ZNF525: variants seen among roughly 807,000 people sequenced by gnomAD.
ZNF525 encodes zinc finger protein 525.
In ZNF525, 33 loss-of-function variants were observed where a neutral mutation model predicts 37.6. That is an observed-to-expected ratio of 0.88 (90% CI 0.67 to 1.17). The LOEUF (loss-of-function observed/expected upper bound fraction) is 1.17, where lower values mean the gene tolerates loss of function less well. ZNF525 is among the 50% of genes most tolerant of loss of function. The pLI is 0.00. For synonymous variants in ZNF525, 170 were observed against 182.3 expected, an observed-to-expected ratio of 0.93 and a Z score of 0.54; for missense variants, 449 against 543.1, an observed-to-expected ratio of 0.83 and a Z score of 1.72.
At chr19:53,374,394 T>C (rs8101761) in intron 2 of ZNF525, among the ~76,000 whole-genome samples, 75,253 of 152,112 alleles carry the variant, frequency 0.49, 19,800 homozygotes, top group African/African-American at 0.68. Context: ...AATGACAACA[T>C]GTGGGTCCTT....
At chr19:53,367,461 T>A (rs2085456609) in intron 1 of ZNF525, among the ~76,000 whole-genome samples, 1 of 152,196 alleles carries the variant, frequency 6.6e-6, no homozygotes, top group African/African-American at 2.4e-5. Flanking sequence ...ACAGAGCTAT[T>A]AGCTGAGTGG....
intron 3 of ZNF525, 156 bp downstream of exon 3, chr19:53,376,052 A>G (rs1314968817): frequency 2.7e-6 from 4 of 1,503,296 alleles, no homozygotes; most frequent in Non-Finnish European, 3.6e-6. Context: ...GGCTCAAGTG[A>G]TTGTCCCACC....
In ZNF525 at chr19:53,381,623, T is replaced by C; in HGVS notation, c.1044T>C (p.Ile348=). ...QKSYLACHRS[I]HTGKKPYECE... is the part of the protein sequence containing the mutation. Reference sequence around the variant, plus strand: ...CATACCTTGCATGCCATCGTAGCATTCATACTGGAAAGAAACCTTACGAAT... The same window carrying C: ...CATACCTTGCATGCCATCGTAGCATCCATACTGGAAAGAAACCTTACGAAT... Residue 348 remains isoleucine, a synonymous_variant, in exon 4 of 4, where the codon ATT becomes ATC. Coordinates refer to ENST00000474037, the MANE Select transcript of ZNF525 (RefSeq NM_001348156.2). 2.7e-6 allele frequency: 3 copies of C among 1,112,880 alleles called. No homozygotes were observed. Among genetic ancestry groups the C allele is most frequent in the Non-Finnish European group, 4.2e-6 (3 of 721,978 alleles). The allele number at this position is 1,112,880 out of a possible 1,614,324, so 68.9% of individuals were successfully genotyped here. A position where few individuals can be genotyped will look rare whatever the true frequency, so the allele number is the denominator to read the frequency against.
chr19:53,386,494 T>G lies in ZNF525; in HGVS notation c.*4475T>G, dbSNP rs781470944. 8.7e-5 allele frequency: 53 copies of G among 606,298 alleles called. No individual in the cohort carries two copies. The highest frequency in any genetic ancestry group is 1.4e-4 in the Non-Finnish European group (46 of 332,858). The allele number at this position is 606,298 out of a possible 1,614,324, so 37.6% of individuals were successfully genotyped here. On this transcript the variant is annotated 3_prime_UTR_variant, in exon 4 of 4. Transcript: ENST00000474037. ...CCACTATCTGGACAGTTGGACATGT[T>G]TTATTGGGAATATGTTTTTTCTCTG...
chr19:53,379,945 T>C (rs981196267), intron 3 of ZNF525, among the ~76,000 whole-genome samples: 2 of 152,094 alleles, frequency 1.3e-5, no homozygotes, highest in African/African-American at 4.8e-5. Flanking sequence ...GAGGTTGCAG[T>C]GAGCTGAGAT....
intron 1 of ZNF525, among the ~76,000 whole-genome samples, chr19:53,369,439 T>A (rs56291126): frequency 0.011 from 1,493 of 131,370 alleles, 17 homozygotes; most frequent in African/African-American, 0.019. Context: ...GTTGGCCAGG[T>A]TGGTCTCAAA....
At chr19:53,368,529 G>A (rs115392112) in intron 1 of ZNF525, among the ~76,000 whole-genome samples, 318 of 152,230 alleles carry the variant, frequency 2.1e-3, no homozygotes, top group African/African-American at 7.2e-3. Flanking sequence ...TAACGCTTTT[G>A]CTTCTTAAGG....
At position 53,386,498 on chromosome 19, in the gene ZNF525, T is replaced by C; in HGVS notation, c.*4479T>C. The C allele has an allele frequency of 1.7e-6, 1 of 600,802 alleles. No homozygotes were observed. The highest frequency in any genetic ancestry group is 3.0e-6 in the Non-Finnish European group (1 of 329,622). 37.2% of individuals were successfully genotyped at this position (600,802 alleles called of 1,614,324 possible). ...TATCTGGACAGTTGGACATGTTTTA[T>C]TGGGAATATGTTTTTTCTCTGTAAA... On this transcript the variant is annotated 3_prime_UTR_variant, in exon 4 of 4. Transcript: ENST00000474037.
intron 1 of ZNF525, among the ~76,000 whole-genome samples, chr19:53,369,299 A>G (rs914524432): frequency 7.2e-5 from 11 of 151,818 alleles, no homozygotes; most frequent in African/African-American, 1.9e-4. Flanking sequence ...CTGGAGTGCA[A>G]TGGCACAATC....
Position 53,384,413 on chromosome 19 carries a change from A to G in ZNF525, c.*2394A>G, listed in dbSNP as rs1168952034. On this transcript the variant is annotated 3_prime_UTR_variant, in exon 4 of 4. Coordinates refer to ENST00000474037, the MANE Select transcript of ZNF525 (RefSeq NM_001348156.2). ...ACATTGGGTTATATAATCATTTAAC[A>G]TATTAATTTTTCCAAACCATCAATA... The G allele has an allele frequency of 6.4e-6, 1 of 157,244 alleles. No homozygotes were observed. The highest frequency in any genetic ancestry group is 1.4e-5 in the Non-Finnish European group (1 of 71,200). The allele number at this position is 157,244 out of a possible 1,614,324, so 9.7% of individuals were successfully genotyped here.
chr19:53,382,877 AT>A lies in ZNF525; in HGVS notation c.*860del, dbSNP rs2085577503. On this transcript the variant is annotated 3_prime_UTR_variant, in exon 4 of 4. Coordinates refer to ENST00000474037, the MANE Select transcript of ZNF525 (RefSeq NM_001348156.2). Reference sequence around the variant, plus strand: ...ATCAAACCTTGAAAGTCATAGGAGAATTCATACTAGAGAGAAACCTTACAAG... The same window carrying A: ...ATCAAACCTTGAAAGTCATAGGAGAATCATACTAGAGAGAAACCTTACAAG... 1.2e-5 allele frequency: 16 copies of A among 1,390,854 alleles called. No homozygotes were observed. The highest frequency in any genetic ancestry group is 1.5e-5 in the Non-Finnish European group (15 of 986,448). 86.2% of individuals were successfully genotyped at this position (1,390,854 alleles called of 1,614,324 possible).
chr19:53,374,074 G>T (rs982320708), intron 2 of ZNF525, among the ~76,000 whole-genome samples: 22 of 151,954 alleles, frequency 1.4e-4, no homozygotes, highest in African/African-American at 5.3e-4. Context: ...GTAGAGATAG[G>T]GTTTCACCAT....
At chr19:53,367,421 T>C (rs1168094117) in intron 1 of ZNF525, among the ~76,000 whole-genome samples, 1 of 152,156 alleles carries the variant, frequency 6.6e-6, no homozygotes, top group Non-Finnish European at 1.5e-5. Context: ...AAGAGCAGGT[T>C]TTCTTCTTTA....
rs576744618 is a variant in ZNF525, at chr19:53,382,305, G to A, written c.*286G>A. 1.4e-6 allele frequency: 2 copies of A among 1,391,866 alleles called. No individual in the cohort carries two copies. Among genetic ancestry groups the A allele is most frequent in the South Asian group, 1.2e-5 (1 of 86,434 alleles). 86.2% of individuals were successfully genotyped at this position (1,391,866 alleles called of 1,614,324 possible). ...ATGCCATCATAGACTTCATACTGGA[G>A]AGAAACCTTACAAATGTGAAGAATG... On this transcript the variant is annotated 3_prime_UTR_variant, in exon 4 of 4. Transcript: ENST00000474037.
intron 3 of ZNF525, among the ~76,000 whole-genome samples, chr19:53,378,753 A>G (rs2085539124): frequency 6.6e-6 from 1 of 152,138 alleles, no homozygotes; most frequent in African/African-American, 2.4e-5. Flanking sequence ...TTTTTATGAA[A>G]GCACAAGTCC....
rs565309394 is a variant in ZNF525 at position 53,382,467 on chromosome 19, A to C, written c.*448A>C. The stretch of plus-strand genomic sequence containing the variant: ...CCTTACACGCCATCATAGACTTCAT[A>C]CTGGAAATAAATCTTATAAGTGTAA... On this transcript the variant is annotated 3_prime_UTR_variant, in exon 4 of 4. Transcript: ENST00000474037. 1 of 743,884 alleles carries C rather than the reference A, an allele frequency of 1.3e-6. No homozygotes were observed. The highest frequency in any genetic ancestry group is 1.8e-5 in the Admixed American group (1 of 55,322). The allele number at this position is 743,884 out of a possible 1,614,324, so 46.1% of individuals were successfully genotyped here.
intron 3 of ZNF525, 126 bp from the exon 4 acceptor site, chr19:53,380,596 C>T: frequency 1.8e-6 from 1 of 561,514 alleles, no homozygotes; most frequent in Non-Finnish European, 3.1e-6. Flanking sequence ...ATTTGAAGCA[C>T]ATGTAATCGC....
At position 53,381,277 on chromosome 19, in the gene ZNF525, A is replaced by G. The variant is rs1404113402; in HGVS notation, c.698A>G (p.His233Arg). Reference sequence around the variant, plus strand: ...AATTATAGCTCACTCTTAAGGAAACATCAGATTATTCATCTAGGAGAGAAA... The same window carrying G: ...AATTATAGCTCACTCTTAAGGAAACGTCAGATTATTCATCTAGGAGAGAAA... ...AFNYSSLLRK[H>R]QIIHLGEKQY... The change falls in exon 4 of 4, where the codon CAT (histidine) becomes CGT (arginine). Residue 233 changes from histidine to arginine, a missense_variant. By Grantham distance (29) the His-to-Arg change is conservative. This residue lies in a region of ZNF525 where 271 missense variants were observed against 381.6 expected (regional missense o/e 0.71). Transcript: ENST00000474037. The G allele has an allele frequency of 1.4e-6, 2 of 1,434,754 alleles. No individual in the cohort carries two copies. The highest frequency in any genetic ancestry group is 1.1e-5 in the South Asian group (1 of 87,278). 88.9% of individuals were successfully genotyped at this position (1,434,754 alleles called of 1,614,324 possible). A position where few individuals can be genotyped will look rare whatever the true frequency, so the allele number is the denominator to read the frequency against.
chr19:53,381,632 A>T lies in ZNF525; in HGVS notation c.1053A>T (p.Gly351=). Residue 351 remains glycine, a synonymous_variant, in exon 4 of 4, where the codon GGA becomes GGT. Transcript: ENST00000474037. ...YLACHRSIHT[G]KKPYECEECD... is the part of the protein sequence containing the mutation. The stretch of plus-strand genomic sequence containing the variant: ...CATGCCATCGTAGCATTCATACTGG[A>T]AAGAAACCTTACGAATGTGAAGAAT... The T allele has an allele frequency of 8.9e-7, 1 of 1,128,816 alleles. No individual in the cohort carries two copies. Among genetic ancestry groups the T allele is most frequent in the Non-Finnish European group, 1.4e-6 (1 of 736,708 alleles). 69.9% of individuals were successfully genotyped at this position (1,128,816 alleles called of 1,614,324 possible).
Sources: allele counts gnomAD v4.1 joint callset (sites outside exome capture counted in the v4.1 genomes callset), GRCh38; gene constraint gnomAD v4.1.1; regional missense constraint gnomAD v4.1.1; transcripts MANE v1.5; gene names NCBI Gene and HGNC (gene_info 2026-07-23, HGNC 2026-07-21).